Variants in FADS6 observed in about 807,000 individuals in gnomAD.
FADS6 encodes fatty acid desaturase domain family, member 6.
A neutral mutation model predicts 31.7 loss-of-function variants in FADS6; 28 were observed. That is an observed-to-expected ratio of 0.88 (90% confidence interval 0.66 to 1.21). FADS6 has a LOEUF of 1.21. Among genes scored for constraint, FADS6 ranks in the 50% most tolerant of loss-of-function variants. The pLI is 0.00. For synonymous variants in FADS6, 191 were observed against 213.1 expected (o/e 0.90, Z 0.90); for missense variants, 494 against 504.2 (o/e 0.98, Z 0.19).
chr17:74,879,991 G>A (rs1028008139), intron 4 of FADS6, among the ~76,000 whole-genome samples: 1 of 152,216 alleles, frequency 6.6e-6, no homozygotes, highest in Non-Finnish European at 1.5e-5. Flanking sequence ...TCCTCTGCCA[G>A]GTGCTCAGGA....
intron 2 of FADS6, among the ~76,000 whole-genome samples, chr17:74,888,538 C>T (rs974341443): frequency 2.6e-5 from 4 of 152,054 alleles, no homozygotes; most frequent in African/African-American, 9.7e-5. Context: ...ACGACTTAGG[C>T]GGGGGTTCCT....
chr17:74,893,337 C>G lies in FADS6; in HGVS notation c.244+15G>C. ...CCGCAGCCCGGCCGGGACGCCGGGT[C>G]CCCGCGTTCCTCACCTGCCGGCAAG... On this transcript the variant is annotated intron_variant, in intron 1 of 5. Coordinates refer to ENST00000612771, the MANE Select transcript of FADS6 (RefSeq NM_178128.6). 1 of 1,508,558 alleles carries G rather than the reference C, an allele frequency of 6.6e-7. No individual in the cohort carries two copies. Among genetic ancestry groups the G allele is most frequent in the Non-Finnish European group, 8.8e-7 (1 of 1,134,998 alleles). 93.4% of individuals were successfully genotyped at this position (1,508,558 alleles called of 1,614,324 possible).
chr17:74,892,034 G>C (rs1240956484), intron 2 of FADS6, among the ~76,000 whole-genome samples: 1 of 152,198 alleles, frequency 6.6e-6, no homozygotes, highest in African/African-American at 2.4e-5. Context: ...GTCGAACTGG[G>C]AAGGGGTGGA....
Position 74,878,183 on chromosome 17 carries a change from C to T in FADS6, c.*148G>A. 1 of 1,433,362 alleles carries T rather than the reference C, an allele frequency of 7.0e-7. No individual in the cohort carries two copies. The highest frequency in any genetic ancestry group is 9.1e-7 in the Non-Finnish European group (1 of 1,098,742). The allele number at this position is 1,433,362 out of a possible 1,614,324, so 88.8% of individuals were successfully genotyped here. A position where few individuals can be genotyped will look rare whatever the true frequency, so the allele number is the denominator to read the frequency against. On this transcript the variant is annotated 3_prime_UTR_variant, in exon 6 of 6. Coordinates refer to ENST00000612771, the MANE Select transcript of FADS6 (RefSeq NM_178128.6). ...AGGCAGGTGGCCCCCAGACCCCAGG[C>T]CTGAGCTCCCCTGCCCCCCTGCCTG...
intron 5 of FADS6, 46 bp downstream of exon 5, chr17:74,879,358 C>G (rs1428823391): frequency 6.3e-7 from 1 of 1,596,014 alleles, no homozygotes; most frequent in East Asian, 2.2e-5. Flanking sequence ...TTTCCATCCT[C>G]TAACAGTCCC....
chr17:74,888,171 C>T (rs529286), intron 2 of FADS6, among the ~76,000 whole-genome samples: 16,933 of 150,430 alleles, frequency 0.11, 1,735 homozygotes, highest in African/African-American at 0.26. Flanking sequence ...CGCGCGCGCG[C>T]GCAGAGTACC....
intron 2 of FADS6, among the ~76,000 whole-genome samples, chr17:74,891,234 C>T (rs1358463341): frequency 6.7e-6 from 1 of 149,206 alleles, no homozygotes; most frequent in African/African-American, 2.5e-5. Flanking sequence ...GATCAGGTTT[C>T]ACCACGTTGG....
intron 3 of FADS6, 144 bp downstream of exon 3, chr17:74,882,386 G>C (rs2038579731): frequency 7.2e-6 from 7 of 969,468 alleles, no homozygotes; most frequent in Non-Finnish European, 1.0e-5. Context: ...CAGGTCTGAG[G>C]CTCTTTCTAC....
Position 74,877,843 on chromosome 17 carries a change from G to C in FADS6, c.*488C>G. 2 of 986,816 alleles carry C rather than the reference G, an allele frequency of 2.0e-6. No homozygotes were observed. The highest frequency in any genetic ancestry group is 2.4e-6 in the Non-Finnish European group (2 of 830,994). The allele number at this position is 986,816 out of a possible 1,614,324, so 61.1% of individuals were successfully genotyped here. On this transcript the variant is annotated 3_prime_UTR_variant, in exon 6 of 6. Transcript: ENST00000612771. ...GCTCACCCTAAGGTCCCCGGGGAGA[G>C]GGCACCTTGGTGGGCAGAGCCTGAA... is the stretch of plus-strand genomic sequence containing the variant.
At chr17:74,879,189 A>G (rs2038539582) in intron 5 of FADS6, 2 of 568,504 alleles carry the variant, frequency 3.5e-6, no homozygotes, top group Non-Finnish European at 6.1e-6. Flanking sequence ...AGCATGTGCC[A>G]CCACACCCCG....
At chr17:74,874,898 T>C (rs557760751), downstream of FADS6, among the ~76,000 whole-genome samples, 1 of 152,314 alleles carries the variant, frequency 6.6e-6, no homozygotes, top group East Asian at 1.9e-4. Context: ...ACAGAGATCA[T>C]ATGGTTCGCA....
intron 2 of FADS6, among the ~76,000 whole-genome samples, chr17:74,888,191 T>A (rs2038650734): frequency 6.7e-6 from 1 of 149,180 alleles, no homozygotes; most frequent in Non-Finnish European, 1.5e-5. Context: ...CAATGTCCGT[T>A]TCCTTGGTTT....
intron 2 of FADS6, among the ~76,000 whole-genome samples, chr17:74,887,131 T>C (rs910841930): frequency 6.7e-6 from 1 of 148,420 alleles, no homozygotes; most frequent in African/African-American, 2.5e-5. Flanking sequence ...ATATGGAGTA[T>C]AGTGATAAAA....
At chr17:74,890,083 G>A (rs2038672534) in intron 2 of FADS6, among the ~76,000 whole-genome samples, 1 of 152,098 alleles carries the variant, frequency 6.6e-6, no homozygotes, top group Admixed American at 6.6e-5. Context: ...ATTAGGTGAG[G>A]AAAGTGACAC....
chr17:74,879,814 T>G (rs560824849), intron 4 of FADS6, among the ~76,000 whole-genome samples: 1 of 152,334 alleles, frequency 6.6e-6, no homozygotes, highest in South Asian at 2.1e-4. Flanking sequence ...GGGCTTAGCC[T>G]GCACACCTCT....
At chr17:74,875,254 T>C (rs2038501051), downstream of FADS6, among the ~76,000 whole-genome samples, 1 of 152,216 alleles carries the variant, frequency 6.6e-6, no homozygotes, top group Admixed American at 6.5e-5. Context: ...TGGCAATTTG[T>C]TGTAGACATT....
At chr17:74,883,693 G>C (rs748419267) in intron 2 of FADS6, among the ~76,000 whole-genome samples, 2 of 152,086 alleles carry the variant, frequency 1.3e-5, no homozygotes, top group Non-Finnish European at 2.9e-5. Flanking sequence ...ATGGAGTCTC[G>C]CTCTGTTGCC....
At chr17:74,875,033 A>G (rs1410677895), downstream of FADS6, among the ~76,000 whole-genome samples, 1 of 152,176 alleles carries the variant, frequency 6.6e-6, no homozygotes, top group East Asian at 1.9e-4. Context: ...CACACTGGCT[A>G]GCACATAATG....
rs375749517 is a variant in FADS6 at position 74,878,371 on chromosome 17, A to G, written c.1067T>C (p.Met356Thr). 3.4e-5 allele frequency: 55 copies of G among 1,613,888 alleles called. No individual in the cohort carries two copies. Among genetic ancestry groups the G allele is most frequent in the African/African-American group, 6.7e-5 (5 of 74,948 alleles). Residue 356 changes from methionine to threonine, a missense_variant, in exon 6 of 6, where the codon ATG becomes ACG. Around this residue, in one of 2 missense-constraint regions of FADS6, gnomAD observed 454 missense variants for 438.5 expected, o/e 1.04. Coordinates refer to ENST00000612771, the MANE Select transcript of FADS6 (RefSeq NM_178128.6). ...QLFLRRYEEF[M>T]VQAPPITELV... ...CTCAGTGATGGGTGGGGCCTGCACCATGAATTCCTCATAGCGACGGAGAAA... is the reference window on the plus strand; with the variant it reads ...CTCAGTGATGGGTGGGGCCTGCACCGTGAATTCCTCATAGCGACGGAGAAA...
Sources: allele counts gnomAD v4.1 joint callset (sites outside exome capture counted in the v4.1 genomes callset), GRCh38; gene constraint gnomAD v4.1.1; regional missense constraint gnomAD v4.1.1; transcripts MANE v1.5; gene names NCBI Gene and HGNC (gene_info 2026-07-23, HGNC 2026-07-21).